Variants in GPC6 observed in about 807,000 individuals in gnomAD.
GPC6 encodes the protein glypican 6.
Under a neutral mutation model 55.2 loss-of-function variants are expected in GPC6, and 14 were observed. The ratio of observed to expected loss-of-function variants is 0.25; its 90% CI spans 0.17 to 0.40. GPC6 has a LOEUF of 0.40. Among genes scored for constraint, GPC6 ranks in the 10% least tolerant of loss-of-function variants. The pLI, the probability that GPC6 is intolerant of heterozygous loss-of-function variation, is 1.00. For missense variants in GPC6, 641 were observed against 708.5 expected (o/e 0.90, Z 1.08); for synonymous variants, 278 against 259.6 (o/e 1.07, Z -0.68).
At position 94,403,945 on chromosome 13, in the gene GPC6, T is replaced by G. The variant is rs548397352; in HGVS notation, c.*728T>G. The G allele has an allele frequency of 2.6e-5, 4 of 153,424 alleles. No homozygotes were observed. The highest frequency in any genetic ancestry group is 3.9e-4 in the East Asian group (2 of 5,194). The allele number at this position is 153,424 out of a possible 1,614,324, so 9.5% of individuals were successfully genotyped here. On this transcript the variant is annotated 3_prime_UTR_variant, in exon 9 of 9. Transcript: ENST00000377047. ...ACTCTGCCCAATTTCAATTTAGTAA[T>G]GGCACCATTATTCTTAATTCCCTTA...
At chr13:93,523,667 G>C (rs768357697) in intron 1 of GPC6, among the ~76,000 whole-genome samples, 2 of 151,974 alleles carry the variant, frequency 1.3e-5, no homozygotes, top group African/African-American at 4.8e-5. Flanking sequence ...GAAAGACAAA[G>C]ATTCAAATGT....
chr13:93,679,662 C>T (rs1330251557), intron 2 of GPC6, among the ~76,000 whole-genome samples: 1 of 152,038 alleles, frequency 6.6e-6, no homozygotes, highest in Non-Finnish European at 1.5e-5. Context: ...AGTCAGAGAC[C>T]TCAAAGTCTA....
intron 6 of GPC6, among the ~76,000 whole-genome samples, chr13:94,370,243 A>G (rs1879478540): frequency 6.6e-6 from 1 of 152,264 alleles, no homozygotes; most frequent in Non-Finnish European, 1.5e-5. Context: ...TCCCATGACA[A>G]GAGTTCAGCA....
intron 3 of GPC6, among the ~76,000 whole-genome samples, chr13:93,977,995 G>A (rs889772627): frequency 6.6e-6 from 1 of 152,146 alleles, no homozygotes; most frequent in Non-Finnish European, 1.5e-5. Flanking sequence ...GCTTTCAGAT[G>A]ACCTTGACAC....
intron 1 of GPC6, among the ~76,000 whole-genome samples, chr13:93,292,471 G>C (rs749041551): frequency 6.6e-6 from 1 of 152,000 alleles, no homozygotes; most frequent in Non-Finnish European, 1.5e-5. Flanking sequence ...ACCCAAACAA[G>C]AAAATGTTAA....
upstream of GPC6, among the ~76,000 whole-genome samples, chr13:93,225,578 A>C (rs1156953463): frequency 6.6e-6 from 1 of 151,948 alleles, no homozygotes; most frequent in African/African-American, 2.4e-5. Context: ...CTCTGTAAAT[A>C]AGTCGACTTC....
intron 4 of GPC6, among the ~76,000 whole-genome samples, chr13:94,272,914 T>G (rs555504056): frequency 1.8e-4 from 27 of 152,212 alleles, no homozygotes; most frequent in Admixed American, 6.5e-4. Context: ...AGGCTCCTCG[T>G]GTCCCTGGAA....
intron 2 of GPC6, among the ~76,000 whole-genome samples, chr13:93,608,170 A>G (rs939144221): frequency 6.6e-6 from 1 of 152,074 alleles, no homozygotes; most frequent in Non-Finnish European, 1.5e-5. Flanking sequence ...GTCCCACTAA[A>G]GGGTCTAGTG....
chr13:94,256,682 T>C (rs578074378), intron 4 of GPC6, among the ~76,000 whole-genome samples: 1 of 152,262 alleles, frequency 6.6e-6, no homozygotes, highest in Non-Finnish European at 1.5e-5. Context: ...TTCTACAGGA[T>C]TTAACCTCAA....
At chr13:93,311,044 T>A (rs181813407) in intron 1 of GPC6, among the ~76,000 whole-genome samples, 1 of 152,290 alleles carries the variant, frequency 6.6e-6, no homozygotes, top group Non-Finnish European at 1.5e-5. Context: ...GAGTTGGGTC[T>A]CAAAGGATTC....
At chr13:94,132,079 A>G (rs1468999513) in intron 4 of GPC6, among the ~76,000 whole-genome samples, 3 of 152,052 alleles carry the variant, frequency 2.0e-5, no homozygotes, top group Non-Finnish European at 4.4e-5. Flanking sequence ...ACATCTGGAG[A>G]ACACTGGTGG....
intron 8 of GPC6, among the ~76,000 whole-genome samples, chr13:94,401,816 C>T (rs780066098): frequency 1.3e-5 from 2 of 152,076 alleles, no homozygotes; most frequent in Non-Finnish European, 2.9e-5. Flanking sequence ...CCTATAGTCC[C>T]AGCTACTTAG....
intron 1 of GPC6, among the ~76,000 whole-genome samples, chr13:93,371,314 T>A (rs1351095196): frequency 6.6e-6 from 1 of 152,098 alleles, no homozygotes. Flanking sequence ...AAGGATTATA[T>A]TAAATAGGTT....
chr13:93,228,137 G>C (rs114133534), intron 1 of GPC6, among the ~76,000 whole-genome samples: 8 of 152,110 alleles, frequency 5.3e-5, no homozygotes, highest in Admixed American at 1.3e-4. Context: ...CGTCCTTCGG[G>C]CGACAGAGCG....
At chr13:94,047,925 T>C (rs1040990276) in intron 4 of GPC6, among the ~76,000 whole-genome samples, 14 of 152,196 alleles carry the variant, frequency 9.2e-5, no homozygotes, top group South Asian at 4.1e-4. Flanking sequence ...ATCTAGTTAA[T>C]GCATTTCTGA....
intron 4 of GPC6, among the ~76,000 whole-genome samples, chr13:94,174,218 C>T (rs1888668384): frequency 6.6e-6 from 1 of 152,110 alleles, no homozygotes; most frequent in Non-Finnish European, 1.5e-5. Context: ...CAATGCAATT[C>T]AAATGCATGG....
At chr13:93,298,615 CTTT>C (rs11327936) in intron 1 of GPC6, among the ~76,000 whole-genome samples, 1 of 145,756 alleles carries the variant, frequency 6.9e-6, no homozygotes, top group African/African-American at 2.5e-5. Flanking sequence ...TTTCTTTTTT[CTTT>C]TTTTTTTTTA....
intron 3 of GPC6, among the ~76,000 whole-genome samples, chr13:93,930,217 A>C (rs755174441): frequency 2.0e-5 from 3 of 150,522 alleles, no homozygotes; most frequent in Non-Finnish European, 4.4e-5. Flanking sequence ...GCAGGTACTT[A>C]TGCTAACAGG....
chr13:94,070,870 C>G (rs556478627), intron 4 of GPC6, among the ~76,000 whole-genome samples: 1 of 152,266 alleles, frequency 6.6e-6, no homozygotes, highest in East Asian at 1.9e-4. Context: ...GTCTATAACT[C>G]TGCTAAGACA....
Sources: gnomAD v4.1 joint callset for allele counts (sites outside exome capture counted in the v4.1 genomes callset) on GRCh38, gnomAD v4.1.1 for gene constraint, MANE v1.5 for transcripts, NCBI Gene and HGNC (gene_info 2026-07-23, HGNC 2026-07-21) for gene names.